ATP8A2: variants seen among roughly 807,000 people sequenced by gnomAD.
ATP8A2 encodes the protein ATPase phospholipid transporting 8A2, also known as phospholipid-transporting ATPase IB.
Under a neutral mutation model 165.6 loss-of-function variants are expected in ATP8A2, and 100 were observed. That is an observed-to-expected ratio of 0.60 (90% CI 0.51 to 0.71). The LOEUF is 0.71. Ranked by LOEUF, ATP8A2 falls within the 30% of genes least tolerant of loss-of-function variation. The pLI, the probability that ATP8A2 is intolerant of heterozygous loss-of-function variation, is 0.00. For synonymous variants in ATP8A2, 543 were observed against 548.8 expected, an observed-to-expected ratio of 0.99 and a Z score of 0.15; for missense variants, 1,227 against 1,479.5, an observed-to-expected ratio of 0.83 and a Z score of 2.80.
chr13:25,853,295 G>A (rs1238078655), intron 30 of ATP8A2, among the ~76,000 whole-genome samples: 1 of 151,260 alleles, frequency 6.6e-6, no homozygotes, highest in Non-Finnish European at 1.5e-5. Flanking sequence ...GGGAGGCTGA[G>A]GAAGGAGAAT....
At chr13:25,729,901 C>A (rs991237209) in intron 25 of ATP8A2, among the ~76,000 whole-genome samples, 1 of 152,136 alleles carries the variant, frequency 6.6e-6, no homozygotes, top group Admixed American at 6.5e-5. Flanking sequence ...TGATTGCTTT[C>A]CCTCTGAGTC....
At chr13:25,705,567 C>T (rs1244225993) in intron 25 of ATP8A2, among the ~76,000 whole-genome samples, 2 of 152,138 alleles carry the variant, frequency 1.3e-5, no homozygotes, top group Non-Finnish European at 2.9e-5. Flanking sequence ...TATAAGCCTG[C>T]TGTGATATCA....
chr13:25,610,869 G>T (rs2040665478), intron 24 of ATP8A2, among the ~76,000 whole-genome samples: 1 of 143,026 alleles, frequency 7.0e-6, no homozygotes, highest in African/African-American at 2.6e-5. Flanking sequence ...TCACTTCCTT[G>T]GTTAGGTATA....
chr13:25,495,019 C>T (rs553015059), intron 2 of ATP8A2, among the ~76,000 whole-genome samples: 14 of 152,250 alleles, frequency 9.2e-5, no homozygotes, highest in East Asian at 1.9e-4. Flanking sequence ...TAGGTGTCTC[C>T]GCAGATTTCC....
At chr13:25,462,890 A>AAG (rs2035541531) in intron 1 of ATP8A2, among the ~76,000 whole-genome samples, 1 of 152,198 alleles carries the variant, frequency 6.6e-6, no homozygotes, top group South Asian at 2.1e-4. Context: ...ACAGGAACTG[A>AAG]AGACAAAGAC....
intron 33 of ATP8A2, among the ~76,000 whole-genome samples, chr13:25,946,312 C>A (rs1955208616): frequency 6.6e-6 from 1 of 152,156 alleles, no homozygotes; most frequent in Non-Finnish European, 1.5e-5. Flanking sequence ...TCTCATACAT[C>A]TCAAATCTGA....
chr13:25,987,588 T>G (rs1956299367), intron 35 of ATP8A2, among the ~76,000 whole-genome samples: 1 of 152,188 alleles, frequency 6.6e-6, no homozygotes, highest in Admixed American at 6.5e-5. Flanking sequence ...GTCACCACTG[T>G]GAAGCCTCCT....
At chr13:25,403,805 A>G (rs928330965) in intron 1 of ATP8A2, among the ~76,000 whole-genome samples, 6 of 152,240 alleles carry the variant, frequency 3.9e-5, no homozygotes, top group Non-Finnish European at 7.3e-5. Flanking sequence ...CAGTGGTTTA[A>G]AAGAGTAGAT....
In ATP8A2 at chr13:25,538,074, A is replaced by G. The variant is rs748236071; in HGVS notation, c.581+13A>G. The G allele has an allele frequency of 1.9e-6, 3 of 1,608,212 alleles. No homozygotes were observed. The Admixed American group carries it at 5.0e-5, about 27-fold the overall frequency. On this transcript the variant is annotated intron_variant, in intron 7 of 36. Transcript: ENST00000381655. Reference sequence around the variant, plus strand: ...TGCTGTCATCCAGGTTAGCTGTGCTAGTAGGCACCTTTTTTGCAATAAATG... The same window carrying G: ...TGCTGTCATCCAGGTTAGCTGTGCTGGTAGGCACCTTTTTTGCAATAAATG...
chr13:25,867,991 G>A (rs893211223), intron 33 of ATP8A2: 39 of 370,404 alleles, frequency 1.1e-4, no homozygotes, highest in Non-Finnish European at 1.9e-4. Flanking sequence ...TTGAGACACT[G>A]TATGAAGCCA....
At chr13:25,738,123 A>G (rs998954874) in intron 25 of ATP8A2, among the ~76,000 whole-genome samples, 2 of 152,138 alleles carry the variant, frequency 1.3e-5, no homozygotes, top group African/African-American at 4.8e-5. Flanking sequence ...CAGAAGTGCT[A>G]TTTTCATCTT....
At chr13:25,753,369 C>A (rs2044194814) in intron 25 of ATP8A2, among the ~76,000 whole-genome samples, 1 of 152,182 alleles carries the variant, frequency 6.6e-6, no homozygotes, top group South Asian at 2.1e-4. Flanking sequence ...TGAATGTTGG[C>A]CAGACGCTCT....
intron 24 of ATP8A2, among the ~76,000 whole-genome samples, chr13:25,646,528 C>T (rs925169790): frequency 2.0e-5 from 3 of 151,512 alleles, no homozygotes; most frequent in South Asian, 4.2e-4. Context: ...TGGTGGTGGG[C>T]GCCTGTAATC....
intron 24 of ATP8A2, among the ~76,000 whole-genome samples, chr13:25,609,667 T>G (rs1417641521): frequency 6.7e-6 from 1 of 148,186 alleles, no homozygotes; most frequent in Non-Finnish European, 1.5e-5. Context: ...GATCAAATGG[T>G]AGATCTCCTT....
At chr13:25,906,095 T>C (rs1215828986) in intron 33 of ATP8A2, among the ~76,000 whole-genome samples, 1 of 152,194 alleles carries the variant, frequency 6.6e-6, no homozygotes, top group East Asian at 1.9e-4. Flanking sequence ...ACATCTTTTG[T>C]CTTCCTCATC....
rs2036470965 is a variant in ATP8A2 at position 25,489,931 on chromosome 13, A to C, written c.221+20810A>C. Among the ~76,000 whole-genome samples, 6 of 152,314 alleles carry C rather than the reference A, an allele frequency of 3.9e-5. No individual in the cohort carries two copies. In the South Asian group the frequency reaches 1.2e-3, roughly 32 times the overall value. On this transcript the variant is annotated intron_variant, in intron 2 of 36. Transcript: ENST00000381655. ...CAAATGGAGGTACATTTGGGATTTAATGTGACAGCTGGCATCCTTAGTCAT... is the reference window on the plus strand; with the variant it reads ...CAAATGGAGGTACATTTGGGATTTACTGTGACAGCTGGCATCCTTAGTCAT...
At chr13:25,894,292 T>C (rs955390988) in intron 33 of ATP8A2, among the ~76,000 whole-genome samples, 1 of 152,232 alleles carries the variant, frequency 6.6e-6, no homozygotes, top group Admixed American at 6.5e-5. Context: ...AAATAGGGAA[T>C]CCTTTCCCCA....
chr13:25,426,671 G>A (rs1044278480), intron 1 of ATP8A2, among the ~76,000 whole-genome samples: 4 of 152,010 alleles, frequency 2.6e-5, no homozygotes, highest in Non-Finnish European at 4.4e-5. Context: ...GGCCGGGCAC[G>A]GTGGCTCATG....
At position 25,548,973 on chromosome 13, in the gene ATP8A2, A is replaced by AT. The variant is rs367928674; in HGVS notation, c.892-2361dup. Among the ~76,000 whole-genome samples the AT allele has an allele frequency of 2.2e-3, 331 of 152,146 alleles. 1 individual carries two copies. The highest frequency in any genetic ancestry group is 7.7e-3 in the African/African-American group (320 of 41,512). On this transcript the variant is annotated intron_variant, in intron 10 of 36. Transcript: ENST00000381655. ...TGCCTCATGTTTTCATCTCAGTTTT[A>AT]TTTTCACATTGTGACTTTATTTGTA...
Sources: allele counts gnomAD v4.1 joint callset (sites outside exome capture counted in the v4.1 genomes callset), GRCh38; gene constraint gnomAD v4.1.1; transcripts MANE v1.5; gene names NCBI Gene and HGNC (gene_info 2026-07-23, HGNC 2026-07-21).